NME4: variants seen among roughly 807,000 people sequenced by gnomAD.
The protein encoded by NME4 is NME/NM23 nucleoside diphosphate kinase 4, also known as nucleoside diphosphate kinase D, mitochondrial.
A neutral mutation model predicts 16.4 loss-of-function variants in NME4; 21 were observed. The observed-to-expected ratio is 1.28, with a 90% CI of 0.91 to 1.84. The LOEUF is 1.84. Ranked by LOEUF, NME4 falls within the 40% of genes most tolerant of loss-of-function variation. NME4 has a pLI of 0.00. For synonymous variants in NME4, 132 were observed against 107.5 expected, an observed-to-expected ratio of 1.23 and a Z score of -1.41; for missense variants, 316 against 261.3, an observed-to-expected ratio of 1.21 and a Z score of -1.44.
intron 1 of NME4, 194 bp from the exon 2 acceptor site, chr16:398,796 C>A: frequency 1.4e-6 from 1 of 704,158 alleles, no homozygotes; most frequent in Non-Finnish European, 2.3e-6. Flanking sequence ...GGACACATTG[C>A]CTTGGGTGTC....
chr16:397,980 T>G, intron 1 of NME4: 1 of 1,543,792 alleles, frequency 6.5e-7, no homozygotes, highest in Non-Finnish European at 8.7e-7. Flanking sequence ...AACTGGGTTT[T>G]GGGGGAACAA....
chr16:397,783 G>T, intron 1 of NME4: 1 of 1,467,494 alleles, frequency 6.8e-7, no homozygotes, highest in Non-Finnish European at 9.0e-7. Context: ...GGCCAAGTTA[G>T]GCCAGAATCT....
Position 399,731 on chromosome 16 carries a change from C to A in NME4, c.432C>A (p.His144Gln). The A allele has an allele frequency of 6.2e-7, 1 of 1,612,622 alleles. No individual in the cohort carries two copies. The highest frequency in any genetic ancestry group is 1.1e-5 in the South Asian group (1 of 91,084). ...CCATAAGGGGTGACTTCAGCGTCCA[C>A]ATCAGCAGGTACGGGGGTCCTGATA... ...PGTIRGDFSV[H>Q]ISRNVIHASD... The change falls in exon 4 of 5, where the codon CAC (histidine) becomes CAA (glutamine). Residue 144 changes from histidine (H) to glutamine (Q), a missense_variant. Coordinates refer to ENST00000219479, the MANE Select transcript of NME4 (RefSeq NM_005009.3).
At chr16:397,956 C>G (rs968164553) in intron 1 of NME4, 1 of 1,547,196 alleles carries the variant, frequency 6.5e-7, no homozygotes, top group East Asian at 2.4e-5. Flanking sequence ...CCAGGCTACA[C>G]AAGGCGCCCT....
intron 1 of NME4, 192 bp from the exon 2 acceptor site, chr16:398,798 T>G: frequency 1.4e-6 from 1 of 714,128 alleles, no homozygotes; most frequent in Non-Finnish European, 2.3e-6. Context: ...ACACATTGCC[T>G]TGGGTGTCCC....
At position 397,274 on chromosome 16, in the gene NME4, C is replaced by G; in HGVS notation, c.52C>G (p.Arg18Gly). The G allele has an allele frequency of 9.5e-7, 1 of 1,054,428 alleles. No individual in the cohort carries two copies. Among genetic ancestry groups the G allele is most frequent in the Non-Finnish European group, 1.1e-6 (1 of 876,960 alleles). 65.3% of individuals were successfully genotyped at this position (1,054,428 alleles called of 1,614,324 possible). The change falls in exon 1 of 5, where the codon CGG becomes GGG. Residue 18 changes from arginine to glycine, a missense_variant. Coordinates refer to ENST00000219479, the MANE Select transcript of NME4 (RefSeq NM_005009.3). ...GCTGCGGGGGCTGCGCTGCGGCCCG[C>G]GGGCCCCGGGCCCGAGCCTGCTAGT... ...SALRGLRCGPRAPGPSLLVRH... is the reference protein window; with the variant it reads ...SALRGLRCGPGAPGPSLLVRH...
rs375993738 is a variant in NME4 at position 399,615 on chromosome 16, C to G, written c.328-12C>G. The G allele has an allele frequency of 2.5e-6, 4 of 1,611,514 alleles. No homozygotes were observed. The highest frequency in any genetic ancestry group is 2.7e-5 in the African/African-American group (2 of 74,882). On this transcript the variant is annotated splice_polypyrimidine_tract_variant and intron_variant, in intron 3 of 4. Coordinates refer to ENST00000219479, the MANE Select transcript of NME4 (RefSeq NM_005009.3). ...TTCCCCACTTCTCCCCAACCATTAT[C>G]TCTCGCTGCAGGTCTGGGAAGGGTA... is the stretch of plus-strand genomic sequence containing the variant.
intron 1 of NME4, 51 bp downstream of exon 1, chr16:397,364 C>A: frequency 1.4e-6 from 1 of 729,866 alleles, no homozygotes; most frequent in Non-Finnish European, 1.7e-6. Flanking sequence ...GGAAGGGGCG[C>A]GCGCCGCTCG....
At position 399,041 on chromosome 16, in the gene NME4, GC is replaced by G; in HGVS notation, c.144del (p.Val49CysfsTer9). The G allele has an allele frequency of 6.2e-7, 1 of 1,608,506 alleles. No individual in the cohort carries two copies. The highest frequency in any genetic ancestry group is 8.5e-7 in the Non-Finnish European group (1 of 1,179,726). ...ERTLVAVKPD[G>X]VQRRLVGDVI... ...ACCCTGGTGGCGGTGAAGCCCGATG[GC>G]GTGCAACGGCGGCTCGTTGGGGACG... On this transcript the variant is annotated frameshift_variant, in exon 2 of 5. Transcript: ENST00000219479. LOFTEE classifies it high-confidence loss of function.
chr16:400,295 G>T lies in NME4; in HGVS notation c.517G>T (p.Val173Leu). The part of the protein sequence containing the change: ...IQLWFQSSEL[V>L]SWADGGQHSS... ...GCTGTGGTTCCAGAGCAGTGAGCTG[G>T]TGAGCTGGGCAGACGGGGGCCAGCA... The change falls in exon 5 of 5, where the codon GTG (valine) becomes TTG (leucine). Residue 173 changes from valine to leucine, a missense_variant. Transcript: ENST00000219479. 1 of 1,607,146 alleles carries T rather than the reference G, an allele frequency of 6.2e-7. No homozygotes were observed. The highest frequency in any genetic ancestry group is 8.5e-7 in the Non-Finnish European group (1 of 1,177,280).
At chr16:398,508 G>C in intron 1 of NME4, 1 of 821,466 alleles carries the variant, frequency 1.2e-6, no homozygotes, top group Middle Eastern at 5.3e-4. Flanking sequence ...TCATCCAGAA[G>C]GGATGGAGTC....
intron 1 of NME4, 21 bp downstream of exon 1, chr16:397,334 C>G (rs1376996631): frequency 4.0e-6 from 4 of 997,046 alleles, no homozygotes; most frequent in Non-Finnish European, 3.6e-6. Flanking sequence ...CCGCGCGCCC[C>G]GGCGGGGACG....
At chr16:397,921 T>C (rs1038258633) in intron 1 of NME4, 3 of 1,550,786 alleles carry the variant, frequency 1.9e-6, no homozygotes, top group Non-Finnish European at 2.6e-6. Context: ...CCGCCTGCAA[T>C]GCCCGCACCA....
intron 1 of NME4, chr16:398,258 G>A (rs1052647639): frequency 5.0e-6 from 7 of 1,398,032 alleles, no homozygotes; most frequent in Non-Finnish European, 6.7e-6. Flanking sequence ...CTGACCCTGG[G>A]TCTGGAAGCG....
intron 3 of NME4, 41 bp from the exon 4 acceptor site, chr16:399,586 G>A: frequency 6.2e-7 from 1 of 1,601,040 alleles, no homozygotes; most frequent in Non-Finnish European, 8.6e-7. Flanking sequence ...AGGGGCCCTT[G>A]GTGTTCCCCA....
At chr16:399,520 A>G (rs2054614104) in intron 3 of NME4, 40 bp downstream of exon 3, 1 of 1,602,090 alleles carries the variant, frequency 6.2e-7, no homozygotes, top group South Asian at 1.1e-5. Flanking sequence ...CTGTGGGTAA[A>G]GGGCGTGTGG....
At chr16:398,577 C>T (rs969307897) in intron 1 of NME4, 15 of 434,028 alleles carry the variant, frequency 3.5e-5, no homozygotes, top group South Asian at 6.8e-5. Context: ...CTGAGCTGGG[C>T]TGTGCCTCTG....
At chr16:398,027 G>A (rs907819429) in intron 1 of NME4, 43 of 1,534,234 alleles carry the variant, frequency 2.8e-5, no homozygotes, top group Admixed American at 1.6e-4. Flanking sequence ...GGCTTCAGCC[G>A]CCTGCTGGGG....
chr16:398,274 C>A (rs1015332277), intron 1 of NME4: 9 of 1,376,874 alleles, frequency 6.5e-6, no homozygotes, highest in Non-Finnish European at 8.7e-6. Context: ...AAGCGACAGG[C>A]CTTGAAACTC....
Sources: allele counts gnomAD v4.1 joint callset, GRCh38; gene constraint gnomAD v4.1.1; transcripts MANE v1.5; gene names NCBI Gene and HGNC (gene_info 2026-07-23, HGNC 2026-07-21).